Variants in RPH3A observed in about 807,000 individuals in gnomAD.
The protein encoded by RPH3A is rabphilin-3A.
Under a neutral mutation model 102.2 loss-of-function variants are expected in RPH3A, and 48 were observed. That is an observed-to-expected ratio of 0.47 (90% confidence interval 0.37 to 0.60). The LOEUF is 0.60. Among genes scored for constraint, RPH3A ranks in the 20% least tolerant of loss-of-function variants. The probability of loss-of-function intolerance (pLI) is 0.00; values close to 1 mark genes in which losing one functional copy is unlikely to be tolerated. For missense variants in RPH3A, 781 were observed against 910.1 expected (o/e 0.86, Z 1.83); for synonymous variants, 310 against 324.3 (o/e 0.96, Z 0.47).
At chr12:112,836,093 G>T (rs139278126) in intron 3 of RPH3A, among the ~76,000 whole-genome samples, 2 of 152,298 alleles carry the variant, frequency 1.3e-5, no homozygotes, top group African/African-American at 4.8e-5. Context: ...GAACTACAAG[G>T]TCTACTGTTC....
At chr12:112,838,111 C>T (rs1256112655) in intron 4 of RPH3A, among the ~76,000 whole-genome samples, 1 of 152,136 alleles carries the variant, frequency 6.6e-6, no homozygotes, top group Non-Finnish European at 1.5e-5. Flanking sequence ...AACTGTGGAG[C>T]ACAAAGACAG....
intron 1 of RPH3A, among the ~76,000 whole-genome samples, chr12:112,610,332 G>A (rs957409314): frequency 4.0e-5 from 6 of 151,876 alleles, no homozygotes; most frequent in Non-Finnish European, 8.8e-5. Flanking sequence ...GTGAAACCCC[G>A]TCTCTACTAA....
intron 5 of RPH3A, among the ~76,000 whole-genome samples, chr12:112,850,101 C>A (rs1185993797): frequency 1.3e-5 from 2 of 152,164 alleles, no homozygotes; most frequent in Non-Finnish European, 2.9e-5. Flanking sequence ...TGGGGTTGCA[C>A]AGTCAGGGAG....
At chr12:112,638,240 A>G (rs6489850) in intron 1 of RPH3A, among the ~76,000 whole-genome samples, 129,216 of 152,126 alleles carry the variant, frequency 0.85, 55,293 homozygotes, top group African/African-American at 0.95. Flanking sequence ...AGTGGAAACA[A>G]CCTGAGGCTT....
intron 1 of RPH3A, among the ~76,000 whole-genome samples, chr12:112,669,859 G>C (rs1354511939): frequency 6.6e-6 from 1 of 152,034 alleles, no homozygotes; most frequent in Non-Finnish European, 1.5e-5. Context: ...TTTTTCAAAT[G>C]TGTTAATGAA....
intron 5 of RPH3A, among the ~76,000 whole-genome samples, chr12:112,861,959 G>A (rs1217199621): frequency 7.0e-6 from 1 of 143,356 alleles, no homozygotes; most frequent in African/African-American, 2.6e-5. Context: ...TTTGCAGTTA[G>A]CCGAGATCGC....
In RPH3A at chr12:112,605,830, G is replaced by A. The variant is rs189792597; in HGVS notation, c.-140+30511G>A. Among the ~76,000 whole-genome samples the A allele has an allele frequency of 3.5e-3, 526 of 152,296 alleles. 2 individuals are homozygous for A. The highest frequency in any genetic ancestry group is 5.6e-3 in the Non-Finnish European group (383 of 68,028). Reference sequence around the variant, plus strand: ...CAGTGGGCTCTGAGTGAATATCTGGGGTTCCCCCTTTAGCCAGTGGGTTTT... The same window carrying A: ...CAGTGGGCTCTGAGTGAATATCTGGAGTTCCCCCTTTAGCCAGTGGGTTTT... On this transcript the variant is annotated intron_variant, in intron 1 of 21. Transcript: ENST00000543106.
intron 1 of RPH3A, among the ~76,000 whole-genome samples, chr12:112,619,809 GACCT>G (rs1195426287): frequency 6.6e-6 from 1 of 152,048 alleles, no homozygotes; most frequent in African/African-American, 2.4e-5. Context: ...AACAGGTAGT[GACCT>G]ACCTAATTCT....
chr12:112,776,309 C>T (rs1053017024), intron 1 of RPH3A, among the ~76,000 whole-genome samples: 2 of 152,094 alleles, frequency 1.3e-5, no homozygotes, highest in African/African-American at 2.4e-5. Context: ...CTACAAAAAA[C>T]CCCCCCATAG....
At chr12:112,816,077 C>T (rs551890303) in intron 2 of RPH3A, among the ~76,000 whole-genome samples, 2 of 152,282 alleles carry the variant, frequency 1.3e-5, no homozygotes, top group East Asian at 1.9e-4. Context: ...AGGAGACATT[C>T]GCCTCAGGAA....
At chr12:112,726,486 C>T (rs2040591622) in intron 1 of RPH3A, among the ~76,000 whole-genome samples, 1 of 152,158 alleles carries the variant, frequency 6.6e-6, no homozygotes, top group Non-Finnish European at 1.5e-5. Context: ...ACACTGTATT[C>T]ACCCCTCTCT....
intron 1 of RPH3A, among the ~76,000 whole-genome samples, chr12:112,640,150 G>A (rs560896137): frequency 4.6e-5 from 7 of 151,098 alleles, no homozygotes; most frequent in South Asian, 2.1e-4. Flanking sequence ...GTGAAACCAC[G>A]TCTCTACTAA....
chr12:112,729,883 C>G (rs73421225), intron 1 of RPH3A, among the ~76,000 whole-genome samples: 4,705 of 152,234 alleles, frequency 0.031, 260 homozygotes, highest in African/African-American at 0.11. Context: ...CAGAGTGTGA[C>G]CTTATTTGGA....
intron 2 of RPH3A, among the ~76,000 whole-genome samples, chr12:112,797,281 C>G (rs1055544991): frequency 6.6e-6 from 1 of 152,140 alleles, no homozygotes; most frequent in Non-Finnish European, 1.5e-5. Flanking sequence ...ATTAGTCATT[C>G]ACACTTTAAT....
At chr12:112,730,882 T>C (rs1039385428) in intron 1 of RPH3A, among the ~76,000 whole-genome samples, 2 of 152,160 alleles carry the variant, frequency 1.3e-5, no homozygotes, top group African/African-American at 4.8e-5. Flanking sequence ...CCCTGGCCAT[T>C]GTTCCAGGGC....
intron 2 of RPH3A, among the ~76,000 whole-genome samples, chr12:112,795,317 C>G (rs1031570488): frequency 6.6e-6 from 1 of 152,120 alleles, no homozygotes; most frequent in African/African-American, 2.4e-5. Context: ...GAGAAGAAAA[C>G]AGTGTGGTTT....
chr12:112,661,918 GCACCTGAGGTGCAGCTGTA>G (rs1409935654), intron 1 of RPH3A, among the ~76,000 whole-genome samples: 12 of 152,250 alleles, frequency 7.9e-5, no homozygotes, highest in South Asian at 6.2e-4. Context: ...CATCGCAGCT[GCACCTGAGGTGCAGCTGTA>G]CACCTGAGGT....
intron 7 of RPH3A, 113 bp downstream of exon 7, chr12:112,866,953 G>A: frequency 1.4e-6 from 1 of 733,088 alleles, no homozygotes; most frequent in Non-Finnish European, 2.3e-6. Flanking sequence ...AACATTGACA[G>A]AACAACCTCA....
intron 10 of RPH3A, chr12:112,873,963 AAATG>A (rs2042749962): frequency 6.6e-6 from 1 of 152,268 alleles, no homozygotes; most frequent in Non-Finnish European, 1.5e-5. Flanking sequence ...TTGAATGAAC[AAATG>A]AATGAATGGA....
Sources: gnomAD v4.1 joint callset for allele counts (sites outside exome capture counted in the v4.1 genomes callset) on GRCh38, gnomAD v4.1.1 for gene constraint, MANE v1.5 for transcripts, NCBI Gene and HGNC (gene_info 2026-07-23, HGNC 2026-07-21) for gene names.